The following PPP1R1C variants were observed in gnomAD, a reference collection of about 807,000 sequenced individuals.
PPP1R1C encodes the protein protein phosphatase 1 regulatory subunit 1C.
A neutral mutation model predicts 17.4 loss-of-function variants in PPP1R1C; 15 were observed. The observed-to-expected ratio is 0.86, with a 90% CI of 0.58 to 1.33. The LOEUF (loss-of-function observed/expected upper bound fraction) is 1.33, where lower values mean the gene tolerates loss of function less well. PPP1R1C is among the 40% of genes most tolerant of loss of function. PPP1R1C has a pLI of 0.00. For synonymous variants in PPP1R1C, 35 were observed against 43.1 expected (o/e 0.81, Z 0.73); for missense variants, 143 against 130.0 (o/e 1.10, Z -0.48).
chr2:181,955,076 T>C (rs1684649265), intron 1 of PPP1R1C, among the ~76,000 whole-genome samples: 1 of 152,214 alleles, frequency 6.6e-6, no homozygotes, highest in South Asian at 2.1e-4. Flanking sequence ...ACAAAGAGAA[T>C]AATACAGATG....
chr2:182,042,967 T>C (rs892923016), intron 2 of PPP1R1C, among the ~76,000 whole-genome samples: 3 of 152,186 alleles, frequency 2.0e-5, no homozygotes, highest in African/African-American at 4.8e-5. Context: ...CTTAAAAAAC[T>C]TGAACAACAA....
intron 2 of PPP1R1C, among the ~76,000 whole-genome samples, chr2:182,042,887 C>T (rs1048706200): frequency 6.6e-6 from 1 of 152,112 alleles, no homozygotes; most frequent in Non-Finnish European, 1.5e-5. Flanking sequence ...GAGATATGTT[C>T]GGTCAACTAG....
intron 2 of PPP1R1C, among the ~76,000 whole-genome samples, chr2:181,997,289 G>A (rs1023178139): frequency 6.7e-6 from 1 of 150,284 alleles, no homozygotes; most frequent in East Asian, 1.9e-4. Flanking sequence ...ATGAACACAC[G>A]TACACATGAT....
At position 181,987,901 on chromosome 2, in the gene PPP1R1C, T is replaced by C. The variant is rs1358623187; in HGVS notation, c.142+2T>C. On this transcript the variant is annotated splice_donor_variant, in intron 2 of 4. Transcript: ENST00000682840. LOFTEE classifies it high-confidence loss of function. Reference sequence around the variant, plus strand: ...TTCTCAATGAGCATAACCCCCCAGGTAAAGAAGCATGATGTGTTTCACACT... The same window carrying C: ...TTCTCAATGAGCATAACCCCCCAGGCAAAGAAGCATGATGTGTTTCACACT... 5 of 1,610,558 alleles carry C rather than the reference T, an allele frequency of 3.1e-6. No homozygotes were observed. Among genetic ancestry groups the C allele is most frequent in the Non-Finnish European group, 4.2e-6 (5 of 1,177,352 alleles).
intron 4 of PPP1R1C, among the ~76,000 whole-genome samples, chr2:182,074,632 G>C (rs1185667184): frequency 6.6e-6 from 1 of 152,138 alleles, no homozygotes; most frequent in Non-Finnish European, 1.5e-5. Flanking sequence ...TCACAAACTT[G>C]TCCTGGTCTA....
chr2:182,064,157 A>G (rs1272675524), intron 4 of PPP1R1C: 1 of 225,542 alleles, frequency 4.4e-6, no homozygotes, highest in African/African-American at 2.3e-5. Context: ...GGCTAAAGCA[A>G]AGCAGAATAA....
chr2:182,024,234 A>T (rs540218999), intron 2 of PPP1R1C, among the ~76,000 whole-genome samples: 9 of 152,344 alleles, frequency 5.9e-5, no homozygotes, highest in Admixed American at 2.0e-4. Flanking sequence ...TGTGATACAA[A>T]CAGTATTTGT....
chr2:181,982,125 C>T (rs559472335), upstream of PPP1R1C, among the ~76,000 whole-genome samples: 1 of 152,196 alleles, frequency 6.6e-6, no homozygotes, highest in African/African-American at 2.4e-5. Flanking sequence ...TTTTCCCTCT[C>T]CACCCCTCTC....
intron 2 of PPP1R1C, among the ~76,000 whole-genome samples, chr2:182,029,435 T>C (rs1171632138): frequency 6.6e-6 from 1 of 152,012 alleles, no homozygotes; most frequent in Admixed American, 6.5e-5. Context: ...CAGCATTTGC[T>C]TGTCTGTAAA....
At chr2:182,023,561 G>A (rs1686495822) in intron 2 of PPP1R1C, among the ~76,000 whole-genome samples, 2 of 152,216 alleles carry the variant, frequency 1.3e-5, no homozygotes, top group East Asian at 1.9e-4. Context: ...GGAGTTGAAA[G>A]GACATTGATG....
chr2:182,106,460 G>T (rs963340385), intron 4 of PPP1R1C, among the ~76,000 whole-genome samples: 1 of 152,194 alleles, frequency 6.6e-6, no homozygotes, highest in African/African-American at 2.4e-5. Flanking sequence ...TTGGTTGAGG[G>T]TGGTGGTCGG....
rs1265055638 is a variant in PPP1R1C at position 182,027,319 on chromosome 2, C to T, written c.143-34123C>T. Among the ~76,000 whole-genome samples the T allele has an allele frequency of 4.0e-3, 572 of 142,894 alleles. 12 individuals carry two copies. Among genetic ancestry groups the T allele is most frequent in the Non-Finnish European group, 1.4e-3 (95 of 66,680 alleles). The allele number at this position is 142,894 out of a possible 152,430, so 93.7% of individuals were successfully genotyped here. A position where few individuals can be genotyped will look rare whatever the true frequency, so the allele number is the denominator to read the frequency against. On this transcript the variant is annotated intron_variant, in intron 2 of 4. Coordinates refer to ENST00000682840, the MANE Select transcript of PPP1R1C (RefSeq NM_001080545.3). ...TCAAAGGGAATGCTTCCAGTTTTTGCCCATTTAGTATGATATTGGCTGTGG... is the reference window on the plus strand; with the variant it reads ...TCAAAGGGAATGCTTCCAGTTTTTGTCCATTTAGTATGATATTGGCTGTGG...
intron 2 of PPP1R1C, among the ~76,000 whole-genome samples, chr2:182,026,431 T>G (rs956212515): frequency 2.2e-4 from 30 of 136,308 alleles, no homozygotes; most frequent in African/African-American, 7.8e-4. Context: ...TACATATGTC[T>G]AGCCAGTTTT....
chr2:181,961,393 T>G lies in PPP1R1C; in HGVS notation n.111+6759T>G. On this transcript the variant is annotated intron_variant and non_coding_transcript_variant, in intron 1 of 5. Transcript: ENST00000464264. This position sits in a 1 kb window ranked among gnomAD's most constrained non-coding sequence, Gnocchi z 5.8. ...GACCTTGATGTTCAGCAGAGCCTCG[T>G]ACTCCCCGATCTGGTGCTGTCCCTC... is the stretch of plus-strand genomic sequence containing the variant. 1 of 719,618 alleles carries G rather than the reference T, an allele frequency of 1.4e-6. No homozygotes were observed. Among genetic ancestry groups the G allele is most frequent in the Non-Finnish European group, 2.5e-6 (1 of 399,548 alleles). The allele number at this position is 719,618 out of a possible 1,614,324, so 44.6% of individuals were successfully genotyped here. A position where few individuals can be genotyped will look rare whatever the true frequency, so the allele number is the denominator to read the frequency against.
chr2:182,007,196 G>C (rs78972537), intron 2 of PPP1R1C, among the ~76,000 whole-genome samples: 329 of 152,124 alleles, frequency 2.2e-3, no homozygotes, highest in African/African-American at 7.7e-3. Flanking sequence ...TCCTTGTGTT[G>C]AAATTTAACA....
intron 2 of PPP1R1C, among the ~76,000 whole-genome samples, chr2:181,992,532 G>A (rs1685500842): frequency 7.5e-6 from 1 of 133,740 alleles, no homozygotes; most frequent in Admixed American, 7.4e-5. Flanking sequence ...GAGACAATAT[G>A]GTTACAGTTA....
chr2:182,025,743 C>T (rs1187358587), intron 2 of PPP1R1C, among the ~76,000 whole-genome samples: 3 of 143,196 alleles, frequency 2.1e-5, no homozygotes, highest in Non-Finnish European at 4.5e-5. Flanking sequence ...ATGGCTGGGT[C>T]AAATGGTATT....
intron 2 of PPP1R1C, among the ~76,000 whole-genome samples, chr2:182,002,927 A>C (rs1179686719): frequency 2.1e-3 from 192 of 90,756 alleles, no homozygotes; most frequent in Non-Finnish European, 2.4e-3. Flanking sequence ...GATGCCATAA[A>C]CCTCCCCCCC....
At chr2:182,120,389 A>G (rs1214579508), downstream of PPP1R1C, among the ~76,000 whole-genome samples, 2 of 152,182 alleles carry the variant, frequency 1.3e-5, no homozygotes, top group African/African-American at 4.8e-5. Flanking sequence ...GAAAAGATCA[A>G]CAAAATTGAT....
Sources: allele counts gnomAD v4.1 joint callset (sites outside exome capture counted in the v4.1 genomes callset), GRCh38; gene constraint gnomAD v4.1.1; non-coding constraint Gnocchi (gnomAD v3.1); transcripts MANE v1.5; gene names NCBI Gene and HGNC (gene_info 2026-07-23, HGNC 2026-07-21).